The following CGGBP1 variants were observed in gnomAD, a reference collection of about 807,000 sequenced individuals.
CGGBP1 encodes CGG triplet repeat binding protein 1.
In CGGBP1, 4 loss-of-function variants were observed where a neutral mutation model predicts 11.4. The ratio of observed to expected loss-of-function variants is 0.35; its 90% CI spans 0.17 to 0.80. The LOEUF (loss-of-function observed/expected upper bound fraction) is 0.80, where lower values mean the gene tolerates loss of function less well. Among genes scored for constraint, CGGBP1 ranks in the 30% least tolerant of loss-of-function variants. CGGBP1 has a pLI of 0.52. For missense variants in CGGBP1, 135 were observed against 202.1 expected, an observed-to-expected ratio of 0.67 and a Z score of 2.01; for synonymous variants, 76 against 74.1, an observed-to-expected ratio of 1.03 and a Z score of -0.13.
At chr3:88,093,480 G>T (rs1703870792) in intron 2 of CGGBP1, among the ~76,000 whole-genome samples, 1 of 152,162 alleles carries the variant, frequency 6.6e-6, no homozygotes, top group Non-Finnish European at 1.5e-5. Flanking sequence ...ACTGGAGGAG[G>T]AACTAGTTCA....
chr3:88,130,388 A>T (rs1396332154), intron 2 of CGGBP1, among the ~76,000 whole-genome samples: 2 of 152,170 alleles, frequency 1.3e-5, no homozygotes, highest in Non-Finnish European at 2.9e-5. Flanking sequence ...TCTCAATTAA[A>T]TTAATAGCTT....
intron 2 of CGGBP1, among the ~76,000 whole-genome samples, chr3:88,092,607 ATTATCTGTTT>A (rs1271490119): frequency 1.3e-5 from 2 of 152,138 alleles, no homozygotes; most frequent in Non-Finnish European, 2.9e-5. Flanking sequence ...CAATATATTT[ATTATCTGTTT>A]TTACAGTTCT....
chr3:88,059,235 C>G, upstream of CGGBP1: 3 of 1,517,826 alleles, frequency 2.0e-6, no homozygotes, highest in Non-Finnish European at 2.6e-6. Flanking sequence ...GGGGAGGGAA[C>G]TAGAGAGGAG....
At chr3:88,087,203 G>C (rs1186787353) in intron 2 of CGGBP1, among the ~76,000 whole-genome samples, 2 of 152,016 alleles carry the variant, frequency 1.3e-5, no homozygotes, top group East Asian at 3.9e-4. Flanking sequence ...CTCAGCCCCA[G>C]AGTACTTGGG....
At chr3:88,082,673 T>C (rs1383546918) in intron 2 of CGGBP1, among the ~76,000 whole-genome samples, 1 of 152,202 alleles carries the variant, frequency 6.6e-6, no homozygotes, top group Non-Finnish European at 1.5e-5. Flanking sequence ...AGATCATTGT[T>C]TGCTCAGTGA....
intron 2 of CGGBP1, among the ~76,000 whole-genome samples, chr3:88,097,869 A>G (rs1704159747): frequency 6.6e-6 from 1 of 152,224 alleles, no homozygotes. Context: ...AAATGCCCAC[A>G]AGAGAAAGCA....
intron 2 of CGGBP1, among the ~76,000 whole-genome samples, chr3:88,118,666 T>C (rs1460826284): frequency 2.6e-5 from 4 of 152,180 alleles, no homozygotes; most frequent in African/African-American, 7.2e-5. Context: ...ACAACCTTTG[T>C]AGTGCTAGCT....
upstream of CGGBP1, chr3:88,059,256 G>C: frequency 6.5e-7 from 1 of 1,530,676 alleles, no homozygotes; most frequent in East Asian, 2.4e-5. Context: ...GAGGAGGTTA[G>C]CCTAGGCATC....
At chr3:88,126,321 T>G in intron 2 of CGGBP1, 1 of 1,393,522 alleles carries the variant, frequency 7.2e-7, no homozygotes, top group Non-Finnish European at 9.4e-7. Flanking sequence ...GCAAATACAC[T>G]TTCATTTACT....
intron 2 of CGGBP1, among the ~76,000 whole-genome samples, chr3:88,117,005 A>C (rs1399174576): frequency 6.6e-6 from 1 of 152,224 alleles, no homozygotes; most frequent in Non-Finnish European, 1.5e-5. Flanking sequence ...TTTTTCTTAA[A>C]GGATCTGTTA....
chr3:88,074,716 A>G (rs1317050050), intron 2 of CGGBP1, among the ~76,000 whole-genome samples: 1 of 152,184 alleles, frequency 6.6e-6, no homozygotes, highest in Non-Finnish European at 1.5e-5. Flanking sequence ...AATACCCATT[A>G]AATTTAGAAA....
intron 2 of CGGBP1, among the ~76,000 whole-genome samples, chr3:88,088,505 T>A (rs1708454167): frequency 6.6e-6 from 1 of 152,170 alleles, no homozygotes; most frequent in Non-Finnish European, 1.5e-5. Context: ...AAAATGAATT[T>A]GAAATTAAGA....
intron 2 of CGGBP1, among the ~76,000 whole-genome samples, chr3:88,130,954 G>T (rs1163634038): frequency 1.3e-5 from 2 of 152,048 alleles, no homozygotes; most frequent in Non-Finnish European, 2.9e-5. Context: ...GGATTAGGAG[G>T]TAGTGGTAAG....
intron 2 of CGGBP1, among the ~76,000 whole-genome samples, chr3:88,118,745 A>T (rs1275508495): frequency 6.6e-6 from 1 of 152,164 alleles, no homozygotes; most frequent in Non-Finnish European, 1.5e-5. Flanking sequence ...AATTTTCAAA[A>T]CTGTGCTACC....
chr3:88,133,743 G>A (rs6767258), intron 2 of CGGBP1, among the ~76,000 whole-genome samples: 107,422 of 151,938 alleles, frequency 0.71, 41,686 homozygotes, highest in South Asian at 0.91. Context: ...ATATGATCAC[G>A]GAGGCTGAAA....
chr3:88,059,012 G>A, upstream of CGGBP1: 1 of 407,540 alleles, frequency 2.5e-6, no homozygotes, highest in Non-Finnish European at 4.3e-6. Flanking sequence ...CTATGGCAGA[G>A]CCCGTAGGCG....
intron 2 of CGGBP1, chr3:88,095,650 C>T (rs747253670): frequency 1.8e-5 from 9 of 490,288 alleles, no homozygotes; most frequent in African/African-American, 4.0e-5. Context: ...GCAATATCAT[C>T]ACTCTGTTCT....
chr3:88,054,718 AGAT>A lies in CGGBP1; in HGVS notation c.*752_*754del, dbSNP rs1706503147. On this transcript the variant is annotated 3_prime_UTR_variant, in exon 4 of 4. Coordinates refer to ENST00000482016, the MANE Select transcript of CGGBP1 (RefSeq NM_001008390.2). ...ACATAGAAAAAAGTTTAGAAATTCA[AGAT>A]GATGCTTAAAATGAAAGCTATGGTT... The A allele has an allele frequency of 6.5e-6, 1 of 152,674 alleles. No individual in the cohort carries two copies. Among genetic ancestry groups the A allele is most frequent in the Non-Finnish European group, 1.5e-5 (1 of 68,032 alleles). 9.5% of individuals were successfully genotyped at this position (152,674 alleles called of 1,614,324 possible).
chr3:88,144,192 A>T (rs1707251500), intron 1 of CGGBP1: 1 of 152,382 alleles, frequency 6.6e-6, no homozygotes, highest in African/African-American at 2.4e-5. Context: ...ATCTCCGTGG[A>T]CAAGGACACT....
Sources: allele counts gnomAD v4.1 joint callset (sites outside exome capture counted in the v4.1 genomes callset), GRCh38; gene constraint gnomAD v4.1.1; transcripts MANE v1.5; gene names NCBI Gene and HGNC (gene_info 2026-07-23, HGNC 2026-07-21).